Variants in ANO9 observed in about 807,000 individuals in gnomAD.
The protein encoded by ANO9 is anoctamin 9.
In ANO9, 80 loss-of-function variants were observed where a neutral mutation model predicts 100.5. The observed-to-expected ratio is 0.80, with a 90% CI of 0.66 to 0.96. ANO9 has a LOEUF of 0.96. ANO9 is among the 40% of genes least tolerant of loss of function. ANO9 has a pLI of 0.00. For missense variants in ANO9, 1,064 were observed against 1,072.7 expected, an observed-to-expected ratio of 0.99 and a Z score of 0.11; for synonymous variants, 473 against 435.6, an observed-to-expected ratio of 1.09 and a Z score of -1.07.
At chr11:425,873 T>C (rs183685740) in intron 15 of ANO9, among the ~76,000 whole-genome samples, 1 of 151,626 alleles carries the variant, frequency 6.6e-6, no homozygotes, top group Admixed American at 6.6e-5. Context: ...GGACTACAGG[T>C]GCCCGCCACC....
At position 433,929 on chromosome 11, in the gene ANO9, G is replaced by C. The variant is rs1215123950; in HGVS notation, c.90C>G (p.Ala30=). The C allele has an allele frequency of 1.9e-6, 3 of 1,562,112 alleles. No individual in the cohort carries two copies. In the South Asian group the frequency reaches 3.5e-5, roughly 18 times the overall value. Residue 30 remains alanine, a synonymous_variant, in exon 3 of 23, where the codon GCC becomes GCG. Transcript: ENST00000332826. ...CGAGGACATAGTCCCACTGCTCGGAGGCCTCGGTCTGCAGGGAGGAGGCAT... is the reference window on the plus strand; with the variant it reads ...CGAGGACATAGTCCCACTGCTCGGACGCCTCGGTCTGCAGGGAGGAGGCAT... The part of the protein sequence containing the change: ...LMEISTCETE[A]SEQWDYVLVA...
intron 1 of ANO9, among the ~76,000 whole-genome samples, chr11:435,101 G>A (rs1849346906): frequency 6.6e-6 from 1 of 152,144 alleles, no homozygotes; most frequent in African/African-American, 2.4e-5. Context: ...GTAGTGTAGT[G>A]TAGTATAGGA....
chr11:434,788 A>C (rs1377706382), intron 1 of ANO9, among the ~76,000 whole-genome samples: 1 of 152,196 alleles, frequency 6.6e-6, no homozygotes, highest in East Asian at 1.9e-4. Context: ...ACACAGGGAC[A>C]CGAGAGTCTG....
chr11:435,833 GGTATA>G (rs1298564426), intron 1 of ANO9, among the ~76,000 whole-genome samples: 1 of 96,524 alleles, frequency 1.0e-5, no homozygotes, highest in African/African-American at 4.1e-5. Flanking sequence ...AACATAATAC[GGTATA>G]GTCTAGTCTA....
At position 434,466 on chromosome 11, in the gene ANO9, A is replaced by G. The variant is rs370082114; in HGVS notation, c.7-368T>C. 2.0e-5 allele frequency among the ~76,000 whole-genome samples: 3 copies of G among 152,208 alleles called. No homozygotes were observed. In the East Asian group the frequency reaches 5.8e-4, roughly 29 times the overall value. On this transcript the variant is annotated intron_variant, in intron 1 of 22. Transcript: ENST00000332826. ...GGTCAGAGGACCAGGAGACCAATGC[A>G]CGGGAGAAGCCACAGGCGCCCCTGC...
chr11:423,885 T>TCACACACACA (rs57182615), intron 15 of ANO9, among the ~76,000 whole-genome samples: 8,617 of 143,288 alleles, frequency 0.06, 335 homozygotes, highest in African/African-American at 0.081. Flanking sequence ...AGTTGAATAC[T>TCACACACACA]CACACACACA....
Position 421,963 on chromosome 11 carries a change from A to T in ANO9, c.1335-765T>A, listed in dbSNP as rs971757416. On this transcript the variant is annotated intron_variant, in intron 15 of 22. Transcript: ENST00000332826. This position sits in a 1 kb window ranked among gnomAD's most constrained non-coding sequence, Gnocchi z 6.8. Reference sequence around the variant, plus strand: ...ATAGTATACATTTGCAAAGAAAAAAATGACTCTTTTAGAAAACATGATTAT... The same window carrying T: ...ATAGTATACATTTGCAAAGAAAAAATTGACTCTTTTAGAAAACATGATTAT... 6.6e-6 allele frequency among the ~76,000 whole-genome samples: 1 copy of T among 152,246 alleles called. No individual in the cohort carries two copies. Among genetic ancestry groups the T allele is most frequent in the East Asian group, 1.9e-4 (1 of 5,208 alleles).
chr11:425,622 C>A (rs577501782), intron 15 of ANO9, among the ~76,000 whole-genome samples: 2 of 149,866 alleles, frequency 1.3e-5, no homozygotes, highest in African/African-American at 4.9e-5. Flanking sequence ...AAAAATGCTC[C>A]GATAATATGA....
At chr11:433,153 C>G (rs1564926835) in intron 4 of ANO9, 161 bp downstream of exon 4, 1 of 947,800 alleles carries the variant, frequency 1.1e-6, no homozygotes, top group Non-Finnish European at 1.5e-6. Flanking sequence ...CTGAGGCTCA[C>G]ACAGCCAGTG....
chr11:437,811 T>G (rs55917595), intron 1 of ANO9, among the ~76,000 whole-genome samples: 91,604 of 152,110 alleles, frequency 0.6, 27,753 homozygotes, highest in Middle Eastern at 0.66. Context: ...GCCCCTCACA[T>G]GCCTGGCTTC....
chr11:431,726 G>A lies in ANO9; in HGVS notation c.507C>T (p.His169=). 1 of 1,612,622 alleles carries A rather than the reference G, an allele frequency of 6.2e-7. No individual in the cohort carries two copies. The change falls in exon 7 of 23, where the codon CAC becomes CAT. Residue 169 remains histidine, a synonymous_variant. Transcript: ENST00000332826. The part of the protein sequence containing the change: ...RLKKTWARWR[H]MFREQPVDEI... ...CATCAACTGGCTGCTCCCGGAACAT[G>A]TGTCTCCACCGCGCCCACGTCTTCT...
In ANO9 at chr11:432,271, T is replaced by C. The variant is rs1469145794; in HGVS notation, c.351-217A>G. The C allele has an allele frequency of 8.8e-6, 5 of 569,140 alleles. No individual in the cohort carries two copies. Among genetic ancestry groups the C allele is most frequent in the Non-Finnish European group, 1.6e-5 (5 of 319,442 alleles). The allele number at this position is 569,140 out of a possible 1,614,324, so 35.3% of individuals were successfully genotyped here. On this transcript the variant is annotated intron_variant, in intron 4 of 22. Transcript: ENST00000332826. The surrounding 1 kb of genome is among the most constrained non-coding windows in gnomAD (Gnocchi z 4.8). ...CCAGGGCCTGGCCTGCCCCACGGCG[T>C]CCAGGATGAGGCTGGGCTGGGGGCT...
chr11:435,251 C>G (rs928959893), intron 1 of ANO9, among the ~76,000 whole-genome samples: 4 of 137,546 alleles, frequency 2.9e-5, no homozygotes, highest in Non-Finnish European at 4.7e-5. Context: ...ATGGTATAGT[C>G]TAGTATGGTA....
rs1373272436 is a variant in ANO9 at position 418,139 on chromosome 11, A to G, written c.*232T>C. 1 of 495,834 alleles carries G rather than the reference A, an allele frequency of 2.0e-6. No individual in the cohort carries two copies. Among genetic ancestry groups the G allele is most frequent in the Admixed American group, 3.7e-5 (1 of 27,074 alleles). 30.7% of individuals were successfully genotyped at this position (495,834 alleles called of 1,614,324 possible). A position where few individuals can be genotyped will look rare whatever the true frequency, so the allele number is the denominator to read the frequency against. On this transcript the variant is annotated 3_prime_UTR_variant, in exon 23 of 23. Coordinates refer to ENST00000332826, the MANE Select transcript of ANO9 (RefSeq NM_001012302.3). Reference sequence around the variant, plus strand: ...CTCACTCCCAGTTCTGTGGGTGCCCAGGGTCACCCAGAGTTCAAGTCAGGG... The same window carrying G: ...CTCACTCCCAGTTCTGTGGGTGCCCGGGGTCACCCAGAGTTCAAGTCAGGG...
Position 419,581 on chromosome 11 carries a change from C to A in ANO9, c.1934+1G>T. Reference sequence around the variant, plus strand: ...GGTCTCCAGACACCCTGAGGCCTTACTCGACAGTAGAGTTGCCTTCTTTCA... The same window carrying A: ...GGTCTCCAGACACCCTGAGGCCTTAATCGACAGTAGAGTTGCCTTCTTTCA... On this transcript the variant is annotated splice_donor_variant, in intron 20 of 22. Transcript: ENST00000332826. LOFTEE classifies it high-confidence loss of function. 6.2e-7 allele frequency: 1 copy of A among 1,613,196 alleles called. No homozygotes were observed. The highest frequency in any genetic ancestry group is 1.1e-5 in the South Asian group (1 of 91,066).
intron 11 of ANO9, 195 bp downstream of exon 11, chr11:429,375 C>T (rs968524829): frequency 2.8e-5 from 38 of 1,350,348 alleles, no homozygotes; most frequent in Non-Finnish European, 3.6e-5. Context: ...ACGGGACACT[C>T]ACCCCACACG....
At chr11:431,822 C>G (rs1441457588) in intron 6 of ANO9, 26 bp downstream of exon 6, 2 of 1,611,694 alleles carry the variant, frequency 1.2e-6, no homozygotes, top group South Asian at 2.2e-5. Flanking sequence ...ACCCCAGGGC[C>G]CTCTCCAGGC....
chr11:441,177 G>A (rs1845845063), intron 1 of ANO9, among the ~76,000 whole-genome samples: 3 of 152,148 alleles, frequency 2.0e-5, no homozygotes, highest in Non-Finnish European at 4.4e-5. Flanking sequence ...CTGGCAGGCC[G>A]AGAGGGAGGC....
rs1169889583 is a variant in ANO9 at position 429,789 on chromosome 11, C to T, written c.801G>A (p.Thr267=). The T allele has an allele frequency of 3.7e-6, 6 of 1,608,710 alleles. No homozygotes were observed. Among genetic ancestry groups the T allele is most frequent in the African/African-American group, 2.7e-5 (2 of 74,834 alleles). Residue 267 remains threonine (T), a synonymous_variant, in exon 10 of 23, where the codon ACG becomes ACA. Coordinates refer to ENST00000332826, the MANE Select transcript of ANO9 (RefSeq NM_001012302.3). ...GAGCCATGAAGATGGCGAACACCACCGTGCCATCATTGTCAAAGAGGTGGG... is the reference window on the plus strand; with the variant it reads ...GAGCCATGAAGATGGCGAACACCACTGTGCCATCATTGTCAAAGAGGTGGG... ...KLTHLFDNDG[T]VVFAIFMALW...
Sources: allele counts gnomAD v4.1 joint callset (sites outside exome capture counted in the v4.1 genomes callset), GRCh38; gene constraint gnomAD v4.1.1; non-coding constraint Gnocchi (gnomAD v3.1); transcripts MANE v1.5; gene names NCBI Gene and HGNC (gene_info 2026-07-23, HGNC 2026-07-21).